The following TOX variants were observed in gnomAD, a reference collection of about 807,000 sequenced individuals.
TOX encodes thymocyte selection-associated high mobility group box protein TOX.
In TOX, 11 loss-of-function variants were observed where a neutral mutation model predicts 53.7. The observed-to-expected ratio is 0.20, with a 90% CI of 0.13 to 0.34. TOX has a LOEUF of 0.34. Ranked by LOEUF, TOX falls within the 10% of genes least tolerant of loss-of-function variation. TOX has a pLI of 1.00. For synonymous variants in TOX, 225 were observed against 245.3 expected (o/e 0.92, Z 0.77); for missense variants, 570 against 664.6 (o/e 0.86, Z 1.56).
At chr8:59,031,085 G>C (rs1421472473) in intron 1 of TOX, among the ~76,000 whole-genome samples, 1 of 152,164 alleles carries the variant, frequency 6.6e-6, no homozygotes, top group Non-Finnish European at 1.5e-5. Context: ...AGCCCAGTTG[G>C]TATGACACAT....
intron 3 of TOX, among the ~76,000 whole-genome samples, chr8:58,904,300 CATA>C (rs1025069521): frequency 6.7e-6 from 1 of 149,600 alleles, no homozygotes; most frequent in African/African-American, 2.5e-5. Context: ...TTGTAGACGA[CATA>C]TTTTTTTTTT....
At chr8:58,893,125 G>C (rs1282232267) in intron 3 of TOX, among the ~76,000 whole-genome samples, 3 of 152,162 alleles carry the variant, frequency 2.0e-5, no homozygotes, top group African/African-American at 4.8e-5. Flanking sequence ...TAACTGCTTT[G>C]TGTCTACAGT....
chr8:59,041,616 A>T (rs1311035022), intron 1 of TOX, among the ~76,000 whole-genome samples: 1 of 152,100 alleles, frequency 6.6e-6, no homozygotes, highest in East Asian at 1.9e-4. Flanking sequence ...AGCTGTATAA[A>T]CTCCAGCAAG....
At chr8:58,810,523 G>A (rs997357357) in intron 7 of TOX, among the ~76,000 whole-genome samples, 3 of 151,650 alleles carry the variant, frequency 2.0e-5, no homozygotes, top group East Asian at 3.9e-4. Context: ...TTTGGTGTGC[G>A]TGTATGTGTT....
chr8:58,828,907 C>T (rs1046394593), intron 5 of TOX, among the ~76,000 whole-genome samples: 3 of 152,110 alleles, frequency 2.0e-5, no homozygotes, highest in Non-Finnish European at 4.4e-5. Flanking sequence ...TTAGTCAATA[C>T]GTCTTTTATG....
At chr8:58,831,121 A>G (rs1274410734) in intron 5 of TOX, among the ~76,000 whole-genome samples, 1 of 152,142 alleles carries the variant, frequency 6.6e-6, no homozygotes, top group East Asian at 1.9e-4. Flanking sequence ...ACATCTTGCT[A>G]TGGATTCCTT....
At chr8:58,954,082 T>A (rs1331115302) in intron 2 of TOX, among the ~76,000 whole-genome samples, 21 of 152,314 alleles carry the variant, frequency 1.4e-4, no homozygotes, top group African/African-American at 5.1e-4. Flanking sequence ...CCAATACCAT[T>A]GCATTGCTGA....
At chr8:58,957,107 T>C (rs1218218872) in intron 2 of TOX, among the ~76,000 whole-genome samples, 1 of 152,212 alleles carries the variant, frequency 6.6e-6, no homozygotes, top group African/African-American at 2.4e-5. Flanking sequence ...GCCCACTCAC[T>C]TTCTCCCACA....
chr8:59,098,822 G>T (rs1804757228), intron 1 of TOX, among the ~76,000 whole-genome samples: 2 of 152,090 alleles, frequency 1.3e-5, no homozygotes, highest in African/African-American at 4.8e-5. Flanking sequence ...TATGATCCAT[G>T]ACTTGCCCTA....
At chr8:58,913,839 T>C (rs1811952283) in intron 3 of TOX, among the ~76,000 whole-genome samples, 1 of 152,128 alleles carries the variant, frequency 6.6e-6, no homozygotes, top group Non-Finnish European at 1.5e-5. Context: ...AATTTGGATT[T>C]ATTTACATTA....
intron 6 of TOX, among the ~76,000 whole-genome samples, chr8:58,819,083 A>C (rs1240403100): frequency 6.6e-6 from 1 of 152,234 alleles, no homozygotes. Flanking sequence ...GTTCATTTTC[A>C]GTGGCAAACT....
At chr8:58,914,900 G>A (rs559204922) in intron 3 of TOX, among the ~76,000 whole-genome samples, 7 of 152,060 alleles carry the variant, frequency 4.6e-5, no homozygotes, top group Non-Finnish European at 7.4e-5. Flanking sequence ...GAAGCGCAAG[G>A]GGTCAGGGAG....
intron 1 of TOX, among the ~76,000 whole-genome samples, chr8:59,026,694 CAG>C (rs1025787697): frequency 3.3e-5 from 5 of 152,098 alleles, no homozygotes; most frequent in Admixed American, 3.3e-4. Flanking sequence ...ATGTACTGCA[CAG>C]AGTGATTCTA....
At chr8:59,038,844 G>A (rs1803519152) in intron 1 of TOX, among the ~76,000 whole-genome samples, 1 of 152,226 alleles carries the variant, frequency 6.6e-6, no homozygotes, top group Admixed American at 6.5e-5. Context: ...AAGTCAGCAA[G>A]TTGACTGATA....
At chr8:58,938,897 A>G (rs1812389723) in intron 3 of TOX, among the ~76,000 whole-genome samples, 1 of 152,192 alleles carries the variant, frequency 6.6e-6, no homozygotes, top group Admixed American at 6.5e-5. Flanking sequence ...CGAAAATAGG[A>G]AGGAAAATCA....
rs148800261 is a variant in TOX, at chr8:59,021,463, CAAAA to C, written c.103-61459_103-61456del. On this transcript the variant is annotated intron_variant, in intron 1 of 8. Coordinates refer to ENST00000361421, the MANE Select transcript of TOX (RefSeq NM_014729.3). ...GCCAGGCAACAGGTTTTTCTACAAG[CAAAA>C]AAAAAAAAAAAAAAATATATATATA... Among the ~76,000 whole-genome samples the C allele has an allele frequency of 1.4e-3, 99 of 69,686 alleles. 1 individual carries two copies. Among genetic ancestry groups the C allele is most frequent in the East Asian group, 3.4e-3 (10 of 2,978 alleles). 45.7% of individuals were successfully genotyped at this position (69,686 alleles called of 152,430 possible).
rs1554539852 is a variant in TOX, at chr8:59,021,481, A to ATATAT, written c.103-61474_103-61473insATATA. 8.3e-4 allele frequency among the ~76,000 whole-genome samples: 54 copies of ATATAT among 64,728 alleles called. No homozygotes were observed. In the East Asian group the frequency reaches 0.011, roughly 13 times the overall value. 42.5% of individuals were successfully genotyped at this position (64,728 alleles called of 152,430 possible). A position where few individuals can be genotyped will look rare whatever the true frequency, so the allele number is the denominator to read the frequency against. On this transcript the variant is annotated intron_variant, in intron 1 of 8. Transcript: ENST00000361421. ...CTACAAGCAAAAAAAAAAAAAAAAA[A>ATATAT]ATATATATATATATATATGCACATA... is the stretch of plus-strand genomic sequence containing the variant.
In TOX at chr8:59,118,025, C is replaced by G. The variant is rs1033319772; in HGVS notation, c.102+861G>C. On this transcript the variant is annotated intron_variant, in intron 1 of 8. Coordinates refer to ENST00000361421, the MANE Select transcript of TOX (RefSeq NM_014729.3). The surrounding 1 kb of genome is among the most constrained non-coding windows in gnomAD (Gnocchi z 4.1). ...CCCCCTGACTGTCCTATAGGTGGAC[C>G]CAGCCGAACTCCGCAGCAGCCCAGG... Among the ~76,000 whole-genome samples, 3 of 152,250 alleles carry G rather than the reference C, an allele frequency of 2.0e-5. No homozygotes were observed. The highest frequency in any genetic ancestry group is 1.3e-4 in the Admixed American group (2 of 15,306).
intron 2 of TOX, among the ~76,000 whole-genome samples, chr8:58,953,689 T>A (rs563938456): frequency 6.6e-6 from 1 of 152,196 alleles, no homozygotes; most frequent in Non-Finnish European, 1.5e-5. Context: ...ACTCGATTAC[T>A]CAGAGCATGG....
Sources: gnomAD v4.1 joint callset for allele counts (sites outside exome capture counted in the v4.1 genomes callset) on GRCh38, gnomAD v4.1.1 for gene constraint, Gnocchi (gnomAD v3.1) non-coding constraint, MANE v1.5 for transcripts, NCBI Gene and HGNC (gene_info 2026-07-23, HGNC 2026-07-21) for gene names.